RLN2: variants seen among roughly 807,000 people sequenced by gnomAD.
RLN2 encodes prorelaxin H2.
In RLN2, 10 loss-of-function variants were observed where a neutral mutation model predicts 7.3. That is an observed-to-expected ratio of 1.36 (90% CI 0.84 to 2.31). The LOEUF is 2.31. RLN2 is among the 30% of genes most tolerant of loss of function. The probability of loss-of-function intolerance (pLI) is 0.00; values close to 1 mark genes in which losing one functional copy is unlikely to be tolerated. For synonymous variants in RLN2, 103 were observed against 82.3 expected (o/e 1.25, Z -1.36); for missense variants, 298 against 217.6 (o/e 1.37, Z -2.32).
the RLN2 span, among the ~76,000 whole-genome samples, chr9:5,311,270 G>T: frequency 6.6e-6 from 1 of 151,936 alleles, no homozygotes; most frequent in Non-Finnish European, 1.5e-5. Flanking sequence ...ATGAGAGTGG[G>T]GGGCGGGGTA....
At chr9:5,331,568 C>G in the RLN2 span, among the ~76,000 whole-genome samples, 14 of 147,406 alleles carry the variant, frequency 9.5e-5, no homozygotes, top group Admixed American at 6.4e-4. Flanking sequence ...CTCACAAGAA[C>G]AGAAAACCAA....
At chr9:5,308,652 C>G (rs1247478500), upstream of RLN2, among the ~76,000 whole-genome samples, 1 of 152,026 alleles carries the variant, frequency 6.6e-6, no homozygotes, top group Non-Finnish European at 1.5e-5. Context: ...AAGGGTTGAT[C>G]TGTTCTATAA....
the RLN2 span, among the ~76,000 whole-genome samples, chr9:5,336,324 T>A: frequency 6.6e-6 from 1 of 152,086 alleles, no homozygotes; most frequent in East Asian, 1.9e-4. Flanking sequence ...TGACTAATGT[T>A]TTCTGTCTGA....
the RLN2 span, chr9:5,335,609 A>T: frequency 4.1e-5 from 59 of 1,433,898 alleles, no homozygotes; most frequent in South Asian, 1.3e-4. Flanking sequence ...TGTTAAGTTT[A>T]AAAAAAAAGT....
At chr9:5,317,394 A>G in the RLN2 span, among the ~76,000 whole-genome samples, 15 of 151,268 alleles carry the variant, frequency 9.9e-5, no homozygotes, top group South Asian at 2.1e-4. Context: ...AGAGGTTGCA[A>G]TGAGCTGAGA....
the RLN2 span, among the ~76,000 whole-genome samples, chr9:5,322,600 G>C: frequency 6.6e-6 from 1 of 151,930 alleles, no homozygotes; most frequent in African/African-American, 2.4e-5. Flanking sequence ...TTCTAAGTGA[G>C]TAATAATTAG....
At chr9:5,308,767 A>G (rs1446347996), upstream of RLN2, among the ~76,000 whole-genome samples, 1 of 152,098 alleles carries the variant, frequency 6.6e-6, no homozygotes, top group African/African-American at 2.4e-5. Flanking sequence ...CTGCTCCTGC[A>G]AAAAACCCTC....
At chr9:5,305,260 A>C (rs1337566404), upstream of RLN2, among the ~76,000 whole-genome samples, 1 of 151,706 alleles carries the variant, frequency 6.6e-6, no homozygotes, top group East Asian at 1.9e-4. Flanking sequence ...TCTCCATTGC[A>C]CTTTCCTTCC....
upstream of RLN2, among the ~76,000 whole-genome samples, chr9:5,309,418 C>G (rs1031609291): frequency 6.6e-6 from 1 of 151,978 alleles, no homozygotes; most frequent in Non-Finnish European, 1.5e-5. Context: ...TTAAGATCCC[C>G]TCTTCCTGTC....
chr9:5,332,597 A>C, the RLN2 span, among the ~76,000 whole-genome samples: 1 of 150,762 alleles, frequency 6.6e-6, no homozygotes, highest in African/African-American at 2.4e-5. Context: ...GTTATGGAGC[A>C]AGTTGAGGGG....
chr9:5,336,434 G>C, the RLN2 span, among the ~76,000 whole-genome samples: 1 of 152,022 alleles, frequency 6.6e-6, no homozygotes, highest in Non-Finnish European at 1.5e-5. Flanking sequence ...CAAATGTGAA[G>C]GCTGGGACTT....
chr9:5,323,761 A>T, the RLN2 span, among the ~76,000 whole-genome samples: 2 of 152,018 alleles, frequency 1.3e-5, no homozygotes, highest in South Asian at 4.1e-4. Flanking sequence ...ATTAAAATAC[A>T]CAGGCCAGGC....
the RLN2 span, chr9:5,311,510 G>A: frequency 1.4e-6 from 1 of 712,086 alleles, no homozygotes; most frequent in Non-Finnish European, 2.6e-6. Context: ...ATGAACCACA[G>A]AGAAGATCAT....
the RLN2 span, among the ~76,000 whole-genome samples, chr9:5,322,579 A>G: frequency 6.6e-6 from 1 of 151,918 alleles, no homozygotes; most frequent in African/African-American, 2.4e-5. Flanking sequence ...GTCCACAGAG[A>G]ACAATTTGAT....
upstream of RLN2, chr9:5,304,753 G>A: frequency 1.5e-6 from 1 of 650,542 alleles, no homozygotes; most frequent in South Asian, 2.0e-5. Context: ...TAAGGCAAGG[G>A]TGCCAGCTCC....
At chr9:5,317,431 A>G in the RLN2 span, among the ~76,000 whole-genome samples, 1 of 148,780 alleles carries the variant, frequency 6.7e-6, no homozygotes, top group East Asian at 1.9e-4. Flanking sequence ...CAGCCTGGGC[A>G]ACAGAGTGAG....
chr9:5,330,129 T>C, the RLN2 span, among the ~76,000 whole-genome samples: 1 of 151,938 alleles, frequency 6.6e-6, no homozygotes, highest in South Asian at 2.1e-4. Context: ...CACAACTACA[T>C]GGAAACTGAA....
chr9:5,328,727 A>G, the RLN2 span, among the ~76,000 whole-genome samples: 1 of 151,380 alleles, frequency 6.6e-6, no homozygotes, highest in South Asian at 2.1e-4. Flanking sequence ...CAGAAACTCT[A>G]CAAGCCAGAG....
chr9:5,337,029 A>G, the RLN2 span, among the ~76,000 whole-genome samples: 1 of 152,048 alleles, frequency 6.6e-6, no homozygotes. Context: ...AACCTGTAGT[A>G]TTTTGTCTTT....
Sources: allele counts gnomAD v4.1 joint callset (sites outside exome capture counted in the v4.1 genomes callset), GRCh38; gene constraint gnomAD v4.1.1; transcripts MANE v1.5; gene names NCBI Gene and HGNC (gene_info 2026-07-23, HGNC 2026-07-21).